Variants in SLC36A1 observed in about 807,000 individuals in gnomAD.
The protein encoded by SLC36A1 is solute carrier family 36 member 1, also known as proton-coupled amino acid transporter 1.
In SLC36A1, 30 loss-of-function variants were observed where a neutral mutation model predicts 47.5. The observed-to-expected ratio is 0.63, with a 90% CI of 0.47 to 0.86. SLC36A1 has a LOEUF of 0.86. SLC36A1 is among the 40% of genes least tolerant of loss of function. The pLI is 0.00. For missense variants in SLC36A1, 517 were observed against 606.0 expected (o/e 0.85, Z 1.54); for synonymous variants, 255 against 249.7 (o/e 1.02, Z -0.20).
the SLC36A1 span, chr5:151,537,654 C>T: frequency 1.3e-6 from 1 of 790,444 alleles, no homozygotes; most frequent in East Asian, 2.6e-5. Flanking sequence ...CAGTACAATG[C>T]TTGGCACATA....
At chr5:151,344,695 A>G in the SLC36A1 span, among the ~76,000 whole-genome samples, 2 of 152,156 alleles carry the variant, frequency 1.3e-5, no homozygotes, top group African/African-American at 4.8e-5. Context: ...CTTCACCCCT[A>G]CTTCTGCTGA....
At position 151,476,917 on chromosome 5, in the gene SLC36A1, C is replaced by T. The variant is rs926675980; in HGVS notation, c.989+161C>T. The T allele has an allele frequency of 4.5e-6, 4 of 897,942 alleles. No individual in the cohort carries two copies. In the East Asian group the frequency reaches 1.1e-4, roughly 24 times the overall value. The allele number at this position is 897,942 out of a possible 1,614,324, so 55.6% of individuals were successfully genotyped here. A position where few individuals can be genotyped will look rare whatever the true frequency, so the allele number is the denominator to read the frequency against. On this transcript the variant is annotated intron_variant, in intron 9 of 10. Transcript: ENST00000243389. ...AGCCCTCACTGGCTGCCCTGGACTGCATTCTGTTTGGGGAATTCATGTAGA... is the reference window on the plus strand; with the variant it reads ...AGCCCTCACTGGCTGCCCTGGACTGTATTCTGTTTGGGGAATTCATGTAGA...
the SLC36A1 span, chr5:151,511,719 C>A: frequency 5.7e-6 from 1 of 174,210 alleles, no homozygotes; most frequent in Non-Finnish European, 1.3e-5. Context: ...CAACATATAC[C>A]ACTTATATAA....
At chr5:151,350,849 A>G in the SLC36A1 span, among the ~76,000 whole-genome samples, 1 of 152,060 alleles carries the variant, frequency 6.6e-6, no homozygotes, top group East Asian at 1.9e-4. Flanking sequence ...CTACAGGTGC[A>G]TGACACCATG....
the SLC36A1 span, among the ~76,000 whole-genome samples, chr5:151,413,903 T>C: frequency 7.2e-5 from 11 of 152,132 alleles, no homozygotes; most frequent in Admixed American, 2.6e-4. Flanking sequence ...GCCAACATAA[T>C]ATATTTACAA....
the SLC36A1 span, among the ~76,000 whole-genome samples, chr5:151,407,404 CAG>C: frequency 7.2e-5 from 11 of 151,962 alleles, no homozygotes; most frequent in Non-Finnish European, 1.6e-4. Flanking sequence ...TAGCTAGACA[CAG>C]AGCACTGATT....
the SLC36A1 span, among the ~76,000 whole-genome samples, chr5:151,513,107 G>A: frequency 6.6e-6 from 1 of 152,170 alleles, no homozygotes. Flanking sequence ...TTTCTCACAA[G>A]TATACAACAG....
the SLC36A1 span, among the ~76,000 whole-genome samples, chr5:151,397,879 G>A: frequency 6.6e-6 from 1 of 152,058 alleles, no homozygotes; most frequent in Non-Finnish European, 1.5e-5. Context: ...TGCTTTGGGA[G>A]GCCAAGGTGG....
chr5:151,450,522 T>C (rs1753496352), intron 1 of SLC36A1, among the ~76,000 whole-genome samples: 2 of 152,016 alleles, frequency 1.3e-5, no homozygotes, highest in African/African-American at 4.8e-5. Flanking sequence ...AACTAGCATG[T>C]GGGATGGATG....
Position 151,470,409 on chromosome 5 carries a change from A to G in SLC36A1, c.723+2484A>G, listed in dbSNP as rs143869616. Among the ~76,000 whole-genome samples the G allele has an allele frequency of 2.1e-3, 322 of 152,318 alleles. 1 individual carries two copies. The highest frequency in any genetic ancestry group is 7.1e-3 in the African/African-American group (296 of 41,574). ...CCCAACCAACTGGTAGTATCCATCC[A>G]GAGTGATGTCTATGCATAGTACAAC... On this transcript the variant is annotated intron_variant, in intron 7 of 10. Coordinates refer to ENST00000243389, the MANE Select transcript of SLC36A1 (RefSeq NM_078483.4).
chr5:151,544,063 C>T, the SLC36A1 span: 2 of 1,614,180 alleles, frequency 1.2e-6, no homozygotes, highest in African/African-American at 2.7e-5. Flanking sequence ...TGGGGGATCT[C>T]CTTTATCCAT....
At chr5:151,440,526 A>G (rs1752563058) in intron 1 of SLC36A1, among the ~76,000 whole-genome samples, 1 of 151,574 alleles carries the variant, frequency 6.6e-6, no homozygotes, top group African/African-American at 2.4e-5. Flanking sequence ...TAGGGTTGCT[A>G]TGACATCTCA....
chr5:151,519,801 A>T, the SLC36A1 span, among the ~76,000 whole-genome samples: 2 of 152,164 alleles, frequency 1.3e-5, no homozygotes, highest in African/African-American at 2.4e-5. Flanking sequence ...GTGATCCATG[A>T]GTTTATCTAG....
the SLC36A1 span, chr5:151,549,373 C>G: frequency 7.4e-6 from 12 of 1,613,968 alleles, 1 homozygote; most frequent in South Asian, 1.2e-4. Flanking sequence ...AGCTCTGTGC[C>G]GGGGGCTATG....
chr5:151,448,562 G>A (rs780166486), intron 1 of SLC36A1, among the ~76,000 whole-genome samples: 3 of 152,178 alleles, frequency 2.0e-5, no homozygotes, highest in Admixed American at 6.5e-5. Flanking sequence ...AATATGAATC[G>A]GAATGTGCTT....
At chr5:151,510,304 C>T in the SLC36A1 span, 5 of 1,086,384 alleles carry the variant, frequency 4.6e-6, no homozygotes, top group South Asian at 5.9e-5. Flanking sequence ...CCCCTCTGTG[C>T]CCAATACCGT....
rs1265317753 is a variant in SLC36A1 at position 151,491,413 on chromosome 5, GCTCA to G, written c.*3162_*3165del. The G allele has an allele frequency of 1.3e-5, 2 of 152,646 alleles. No homozygotes were observed. The highest frequency in any genetic ancestry group is 2.4e-5 in the African/African-American group (1 of 41,444). The allele number at this position is 152,646 out of a possible 1,614,324, so 9.5% of individuals were successfully genotyped here. A position where few individuals can be genotyped will look rare whatever the true frequency, so the allele number is the denominator to read the frequency against. On this transcript the variant is annotated 3_prime_UTR_variant, in exon 11 of 11. Coordinates refer to ENST00000243389, the MANE Select transcript of SLC36A1 (RefSeq NM_078483.4). ...CCAGATTCACTGGCTGATGCTCACT[GCTCA>G]CTGTCTATCCCCACGAAATTTAGTT...
chr5:151,535,272 AG>A, the SLC36A1 span, among the ~76,000 whole-genome samples: 2 of 151,960 alleles, frequency 1.3e-5, no homozygotes, highest in African/African-American at 4.8e-5. Context: ...GTTAGGCCTC[AG>A]GAAGCACAAT....
chr5:151,348,297 G>T, the SLC36A1 span, among the ~76,000 whole-genome samples: 58 of 152,280 alleles, frequency 3.8e-4, no homozygotes, highest in African/African-American at 1.3e-3. Context: ...TGAAATCCAG[G>T]ATAGAACTCT....
Sources: gnomAD v4.1 joint callset for allele counts (sites outside exome capture counted in the v4.1 genomes callset) on GRCh38, gnomAD v4.1.1 for gene constraint, MANE v1.5 for transcripts, NCBI Gene and HGNC (gene_info 2026-07-23, HGNC 2026-07-21) for gene names.